Variants in PCLO observed in about 807,000 individuals in gnomAD.
PCLO encodes protein piccolo.
PCLO carries 82 observed loss-of-function variants against 427.5 expected under a neutral mutation model. That is an observed-to-expected ratio of 0.19 (90% CI 0.16 to 0.23). PCLO has a LOEUF of 0.23. Among genes scored for constraint, PCLO ranks in the 10% least tolerant of loss-of-function variants. PCLO has a pLI of 1.00. For missense variants in PCLO, 6,239 were observed against 6,115.9 expected, an observed-to-expected ratio of 1.02 and a Z score of -0.67; for synonymous variants, 2,357 against 2,155.4, an observed-to-expected ratio of 1.09 and a Z score of -2.59.
chr7:82,801,888 A>G (rs1791361467), intron 21 of PCLO, among the ~76,000 whole-genome samples: 1 of 152,134 alleles, frequency 6.6e-6, no homozygotes, highest in Non-Finnish European at 1.5e-5. Flanking sequence ...AAATAAGACC[A>G]TCATGACATT....
intron 3 of PCLO, among the ~76,000 whole-genome samples, chr7:83,042,309 G>A (rs550037439): frequency 6.6e-6 from 1 of 152,134 alleles, no homozygotes; most frequent in African/African-American, 2.4e-5. Flanking sequence ...AACATGAATT[G>A]CATTTGTATC....
chr7:82,814,230 G>T (rs903146124), intron 20 of PCLO, among the ~76,000 whole-genome samples: 1 of 151,308 alleles, frequency 6.6e-6, no homozygotes, highest in Non-Finnish European at 1.5e-5. Flanking sequence ...TATATAAATT[G>T]AAAAAATGTC....
intron 10 of PCLO, among the ~76,000 whole-genome samples, chr7:82,852,309 C>T (rs762054613): frequency 5.9e-5 from 9 of 152,010 alleles, no homozygotes; most frequent in Non-Finnish European, 8.8e-5. Context: ...GAGGGTGTTG[C>T]CAAATCAGAT....
intron 6 of PCLO, among the ~76,000 whole-genome samples, chr7:82,920,894 G>T (rs991018152): frequency 1.3e-5 from 2 of 151,440 alleles, no homozygotes; most frequent in African/African-American, 4.8e-5. Context: ...ATACACAGGG[G>T]CTATTGTTTA....
chr7:82,835,000 AG>A, intron 16 of PCLO, among the ~76,000 whole-genome samples: 1 of 151,784 alleles, frequency 6.6e-6, no homozygotes, highest in South Asian at 2.1e-4. Flanking sequence ...GCTGGAGTGC[AG>A]GGGTGCGATC....
At chr7:83,125,382 G>A (rs953191020) in intron 3 of PCLO, among the ~76,000 whole-genome samples, 3 of 152,190 alleles carry the variant, frequency 2.0e-5, no homozygotes, top group Non-Finnish European at 4.4e-5. Flanking sequence ...CACCCCATCT[G>A]GGAGGTGGAC....
chr7:82,787,844 A>T (rs1791015910), intron 22 of PCLO, among the ~76,000 whole-genome samples: 1 of 152,174 alleles, frequency 6.6e-6, no homozygotes, highest in Non-Finnish European at 1.5e-5. Context: ...CTAAATTTTG[A>T]CCTAGCCAAG....
intron 22 of PCLO, among the ~76,000 whole-genome samples, chr7:82,787,248 G>A (rs1791004108): frequency 6.6e-6 from 1 of 151,794 alleles, no homozygotes; most frequent in Admixed American, 6.6e-5. Context: ...TCCAGCATCT[G>A]TTGTTTCCTG....
Position 82,891,893 on chromosome 7 carries a change from A to C in PCLO, c.13528+10758T>G, listed in dbSNP as rs558871146. ...GAAGGACCTCTTCAAGAAGAACTAC[A>C]AACTACTGCTCAATGAAATAAAAGA... On this transcript the variant is annotated intron_variant, in intron 9 of 24. Coordinates refer to ENST00000333891, the MANE Select transcript of PCLO (RefSeq NM_033026.6). 8.5e-4 allele frequency among the ~76,000 whole-genome samples: 130 copies of C among 152,154 alleles called. 1 individual carries two copies. The highest frequency in any genetic ancestry group is 1.6e-3 in the Non-Finnish European group (107 of 68,036).
At position 82,968,311 on chromosome 7, in the gene PCLO, T is replaced by G. The variant is rs925171287; in HGVS notation, c.3301-1824A>C. Among the ~76,000 whole-genome samples the G allele has an allele frequency of 1.3e-4, 20 of 152,176 alleles. 1 individual carries two copies. Among genetic ancestry groups the G allele is most frequent in the Non-Finnish European group, 1.9e-4 (13 of 68,028 alleles). On this transcript the variant is annotated intron_variant, in intron 3 of 24. Coordinates refer to ENST00000333891, the MANE Select transcript of PCLO (RefSeq NM_033026.6). ...CTCTGAAGTGAATTGTGTGCCTTCT[T>G]TAATTAATGTTTTTATATAAAAGTC...
intron 3 of PCLO, among the ~76,000 whole-genome samples, chr7:83,072,651 T>C (rs1190032500): frequency 6.6e-6 from 1 of 152,058 alleles, no homozygotes; most frequent in Non-Finnish European, 1.5e-5. Context: ...AAATTAAGAT[T>C]TGTACCAGTT....
chr7:82,883,881 T>C (rs1298612656), intron 9 of PCLO, among the ~76,000 whole-genome samples: 2 of 152,170 alleles, frequency 1.3e-5, no homozygotes. Context: ...GCTATTCTCC[T>C]GCCTCGGCCT....
intron 3 of PCLO, among the ~76,000 whole-genome samples, chr7:83,086,936 G>GA (rs1790249955): frequency 6.6e-6 from 1 of 151,822 alleles, no homozygotes. Flanking sequence ...GATGAAGGTG[G>GA]AAACCATCAT....
chr7:82,855,615 G>A (rs1285076965), intron 10 of PCLO, among the ~76,000 whole-genome samples: 2 of 152,092 alleles, frequency 1.3e-5, no homozygotes, highest in Non-Finnish European at 2.9e-5. Context: ...ATTATTGAAC[G>A]AAGAGAAAGT....
chr7:82,968,945 T>A (rs1795843581), intron 3 of PCLO, among the ~76,000 whole-genome samples: 1 of 152,202 alleles, frequency 6.6e-6, no homozygotes, highest in Non-Finnish European at 1.5e-5. Flanking sequence ...TATGTTCTAA[T>A]ATAAATAAGT....
At chr7:83,150,053 T>G (rs1007978317) in intron 2 of PCLO, among the ~76,000 whole-genome samples, 3 of 152,220 alleles carry the variant, frequency 2.0e-5, no homozygotes, top group African/African-American at 7.2e-5. Flanking sequence ...ATTTGGTTCA[T>G]TTTCAACATT....
At chr7:82,797,555 A>G (rs1004302887) in intron 22 of PCLO, among the ~76,000 whole-genome samples, 1 of 152,172 alleles carries the variant, frequency 6.6e-6, no homozygotes, top group African/African-American at 2.4e-5. Flanking sequence ...TCAATCCTGA[A>G]TAATGATCAT....
At chr7:83,059,357 A>AAAATATATATATATAT (rs1332566491) in intron 3 of PCLO, among the ~76,000 whole-genome samples, 9 of 111,812 alleles carry the variant, frequency 8.0e-5, no homozygotes, top group Non-Finnish European at 1.2e-4. Context: ...ACACCTTTAA[A>AAAATATATATATATAT]ATATATATAT....
intron 2 of PCLO, among the ~76,000 whole-genome samples, chr7:83,149,508 G>T (rs1792077432): frequency 6.6e-6 from 1 of 152,064 alleles, no homozygotes; most frequent in Non-Finnish European, 1.5e-5. Context: ...TTTTTAAGAG[G>T]AACTGTGTGG....
Sources: allele counts gnomAD v4.1 joint callset (sites outside exome capture counted in the v4.1 genomes callset), GRCh38; gene constraint gnomAD v4.1.1; transcripts MANE v1.5; gene names NCBI Gene and HGNC (gene_info 2026-07-23, HGNC 2026-07-21).